The following ADGRD1 variants were observed in gnomAD, a reference collection of about 807,000 sequenced individuals.
The protein encoded by ADGRD1 is adhesion G protein-coupled receptor D1.
A neutral mutation model predicts 113.4 loss-of-function variants in ADGRD1; 77 were observed. The observed-to-expected ratio is 0.68, with a 90% CI of 0.57 to 0.82. ADGRD1 has a LOEUF of 0.82. Ranked by LOEUF, ADGRD1 falls within the 40% of genes least tolerant of loss-of-function variation. The pLI, the probability that ADGRD1 is intolerant of heterozygous loss-of-function variation, is 0.00. For synonymous variants in ADGRD1, 474 were observed against 475.0 expected (o/e 1.00, Z 0.03); for missense variants, 1,036 against 1,139.1 (o/e 0.91, Z 1.30).
In ADGRD1 at chr12:131,022,275, A is replaced by T. The variant is rs1418910084; in HGVS notation, c.1473+7935A>T. On this transcript the variant is annotated intron_variant, in intron 13 of 24. Transcript: ENST00000261654. This position sits in a 1 kb window ranked among gnomAD's most constrained non-coding sequence, Gnocchi z 4.6. ...TGCCAGATGAACCCACTGTAAAGGG[A>T]TGGTTTTCCCCTTTGCCTAGAATAA... 2.6e-5 allele frequency among the ~76,000 whole-genome samples: 4 copies of T among 152,058 alleles called. No homozygotes were observed. Among genetic ancestry groups the T allele is most frequent in the African/African-American group, 7.2e-5 (3 of 41,400 alleles).
chr12:130,991,178 T>A, intron 7 of ADGRD1, 100 bp downstream of exon 7: 1 of 876,294 alleles, frequency 1.1e-6, no homozygotes, highest in Non-Finnish European at 1.9e-6. Context: ...GGGCTCTCTG[T>A]TATCGGCAGT....
intron 21 of ADGRD1, among the ~76,000 whole-genome samples, chr12:131,132,548 G>C (rs1275004944): frequency 9.9e-5 from 15 of 152,208 alleles, no homozygotes; most frequent in Non-Finnish European, 1.9e-4. Flanking sequence ...GCTCGCCTTC[G>C]CATCCTTAGT....
At chr12:130,987,666 A>C (rs150588642) in intron 6 of ADGRD1, 305 of 386,352 alleles carry the variant, frequency 7.9e-4, no homozygotes, top group African/African-American at 5.6e-3. Context: ...TTTGATCAAC[A>C]AATGTTAGCC....
At chr12:130,963,065 A>G (rs1370444087) in intron 2 of ADGRD1, 1 of 152,278 alleles carries the variant, frequency 6.6e-6, no homozygotes, top group East Asian at 1.9e-4. Context: ...TCACGCCTGT[A>G]ATCCCAGCAC....
At position 131,066,844 on chromosome 12, in the gene ADGRD1, C is replaced by A. The variant is rs539042192; in HGVS notation, c.1474-9957C>A. Among the ~76,000 whole-genome samples the A allele has an allele frequency of 1.7e-3, 266 of 152,224 alleles. 1 individual carries two copies. The highest frequency in any genetic ancestry group is 6.3e-3 in the African/African-American group (263 of 41,532). ...CAAGTCTGAGGAGCGGCCAGGAGGC[C>A]GAGGGGCTGGAGGAGGCAGGTCAGG... On this transcript the variant is annotated intron_variant, in intron 13 of 24. Transcript: ENST00000261654.
intron 2 of ADGRD1, among the ~76,000 whole-genome samples, chr12:130,961,052 C>T (rs537356147): frequency 3.3e-5 from 5 of 152,300 alleles, no homozygotes; most frequent in East Asian, 3.9e-4. Flanking sequence ...CGGCAGGGGC[C>T]GGCATTCCTC....
intron 4 of ADGRD1, among the ~76,000 whole-genome samples, chr12:130,974,897 C>T: frequency 6.6e-6 from 1 of 152,054 alleles, no homozygotes; most frequent in South Asian, 2.1e-4. Flanking sequence ...ATTCTAGGAG[C>T]TACTGTGGGT....
chr12:131,012,208 G>T (rs1389739017), intron 12 of ADGRD1, among the ~76,000 whole-genome samples: 1 of 151,974 alleles, frequency 6.6e-6, no homozygotes, highest in Non-Finnish European at 1.5e-5. Context: ...TGTCTAAAAA[G>T]CCTCTTCAGA....
At chr12:131,098,389 G>C (rs1260292038) in intron 15 of ADGRD1, among the ~76,000 whole-genome samples, 1 of 152,156 alleles carries the variant, frequency 6.6e-6, no homozygotes, top group African/African-American at 2.4e-5. Flanking sequence ...TTGAGTCTGA[G>C]ACTCAGGCGC....
chr12:130,993,984 T>G (rs1358615277), intron 8 of ADGRD1: 1 of 164,496 alleles, frequency 6.1e-6, no homozygotes, highest in East Asian at 1.7e-4. Flanking sequence ...CATGGTTCCC[T>G]TTGCTGAGAC....
At chr12:131,079,012 C>A (rs1885862801) in intron 14 of ADGRD1, among the ~76,000 whole-genome samples, 1 of 152,142 alleles carries the variant, frequency 6.6e-6, no homozygotes, top group African/African-American at 2.4e-5. Context: ...GTCATCCCTT[C>A]CTCTCACGTC....
chr12:131,012,462 G>T (rs1878048336), intron 12 of ADGRD1, among the ~76,000 whole-genome samples: 1 of 152,172 alleles, frequency 6.6e-6, no homozygotes, highest in East Asian at 1.9e-4. Context: ...TGATCTGCAG[G>T]AAGTCGCTTC....
At position 130,954,569 on chromosome 12, in the gene ADGRD1, G is replaced by T. The variant is rs776868191; in HGVS notation, c.66+38G>T. Reference sequence around the variant, plus strand: ...AGTGGCCAGGATGGCGACAGGCTTGGTTTCTCCGGAGGCTTTCCCTGAGTG... The same window carrying T: ...AGTGGCCAGGATGGCGACAGGCTTGTTTTCTCCGGAGGCTTTCCCTGAGTG... On this transcript the variant is annotated intron_variant, in intron 1 of 24. Transcript: ENST00000261654. This position sits in a 1 kb window ranked among gnomAD's most constrained non-coding sequence, Gnocchi z 4.7. The T allele has an allele frequency of 1.2e-6, 2 of 1,613,904 alleles. No individual in the cohort carries two copies. Among genetic ancestry groups the T allele is most frequent in the Non-Finnish European group, 8.5e-7 (1 of 1,179,882 alleles).
intron 9 of ADGRD1, 132 bp downstream of exon 9, chr12:131,000,574 C>T: frequency 3.2e-6 from 2 of 617,700 alleles, no homozygotes; most frequent in East Asian, 6.5e-5. Flanking sequence ...AACCCCATCT[C>T]TACTAAAAAT....
intron 15 of ADGRD1, among the ~76,000 whole-genome samples, chr12:131,093,167 G>A (rs1246143072): frequency 6.6e-6 from 1 of 152,166 alleles, no homozygotes; most frequent in African/African-American, 2.4e-5. Flanking sequence ...TAGAACTGTG[G>A]GAGGGAGGAT....
chr12:130,960,663 A>T (rs12320840), intron 2 of ADGRD1, among the ~76,000 whole-genome samples: 41 of 1,054 alleles, frequency 0.039, no homozygotes, highest in South Asian at 0.25. Flanking sequence ...TCTCTCTCTC[A>T]CACACACACA....
Position 130,965,571 on chromosome 12 carries a change from G to A in ADGRD1, c.104-892G>A, listed in dbSNP as rs140051307. 1.3e-3 allele frequency among the ~76,000 whole-genome samples: 199 copies of A among 152,066 alleles called. No homozygotes were observed. Among genetic ancestry groups the A allele is most frequent in the African/African-American group, 4.6e-3 (191 of 41,488 alleles). ...TATGCATAAAGCCACTCATGTCAGC[G>A]CCACCTGTACGAATAAGGATGGAAG... On this transcript the variant is annotated intron_variant, in intron 2 of 24. Transcript: ENST00000261654. The surrounding 1 kb of genome is among the most constrained non-coding windows in gnomAD (Gnocchi z 4.8).
At chr12:131,102,341 G>A (rs11061325) in intron 15 of ADGRD1, among the ~76,000 whole-genome samples, 29,441 of 152,182 alleles carry the variant, frequency 0.19, 4,188 homozygotes, top group East Asian at 0.66. Context: ...CGGTGGGAAT[G>A]CACTGGCAGC....
At chr12:131,134,092 T>TG (rs1951007511) in intron 21 of ADGRD1, among the ~76,000 whole-genome samples, 1 of 152,194 alleles carries the variant, frequency 6.6e-6, no homozygotes, top group Non-Finnish European at 1.5e-5. Context: ...TCCAGACTCC[T>TG]GAAAAAGAAG....
Sources: allele counts gnomAD v4.1 joint callset (sites outside exome capture counted in the v4.1 genomes callset), GRCh38; gene constraint gnomAD v4.1.1; non-coding constraint Gnocchi (gnomAD v3.1); transcripts MANE v1.5; gene names NCBI Gene and HGNC (gene_info 2026-07-23, HGNC 2026-07-21).